Variants in PDK2 observed in about 807,000 individuals in gnomAD.
PDK2 encodes pyruvate dehydrogenase kinase, isozyme 2.
PDK2 carries 34 observed loss-of-function variants against 50.4 expected under a neutral mutation model. The observed-to-expected ratio is 0.68, with a 90% CI of 0.51 to 0.90. The LOEUF (loss-of-function observed/expected upper bound fraction) is 0.90. PDK2 is among the 40% of genes least tolerant of loss of function. PDK2 has a pLI of 0.00. For missense variants in PDK2, 377 were observed against 544.5 expected, an observed-to-expected ratio of 0.69 and a Z score of 3.06; for synonymous variants, 232 against 216.0, an observed-to-expected ratio of 1.07 and a Z score of -0.65.
upstream of PDK2, chr17:50,094,818 G>C (rs1909848317): frequency 6.6e-6 from 1 of 152,432 alleles, no homozygotes; most frequent in Non-Finnish European, 1.5e-5. Flanking sequence ...TTGCACCCTG[G>C]TTCCGAATTT....
At position 50,109,089 on chromosome 17, in the gene PDK2, C is replaced by A. The variant is rs1910679633; in HGVS notation, c.970-198C>A. Among the ~76,000 whole-genome samples, 1 of 152,140 alleles carries A rather than the reference C, an allele frequency of 6.6e-6. No homozygotes were observed. The highest frequency in any genetic ancestry group is 2.4e-5 in the African/African-American group (1 of 41,428). ...AACTCCTCTCTCTGCCCAAGCCTCCCTCCCGCATTCATGATTGCCCCATTC... is the reference window on the plus strand; with the variant it reads ...AACTCCTCTCTCTGCCCAAGCCTCCATCCCGCATTCATGATTGCCCCATTC... On this transcript the variant is annotated intron_variant, in intron 9 of 10. Coordinates refer to ENST00000503176, the MANE Select transcript of PDK2 (RefSeq NM_002611.5). The surrounding 1 kb of genome is among the most constrained non-coding windows in gnomAD (Gnocchi z 5.0).
At chr17:50,108,543 G>T (rs1195536474) in intron 8 of PDK2, 69 bp from the exon 9 acceptor site, 1 of 1,364,052 alleles carries the variant, frequency 7.3e-7, no homozygotes, top group Non-Finnish European at 1.0e-6. Context: ...CCATGAGAAG[G>T]TCAGGGGTAT....
chr17:50,110,283 G>C lies in PDK2; in HGVS notation c.*186G>C. The stretch of plus-strand genomic sequence containing the variant: ...CCCTAAGTGCCAGTCCATCTCTGTG[G>C]AGACCCCTCGGTGGCCTCCCTATCT... On this transcript the variant is annotated 3_prime_UTR_variant, in exon 11 of 11. Transcript: ENST00000503176. 1 of 546,000 alleles carries C rather than the reference G, an allele frequency of 1.8e-6. No individual in the cohort carries two copies. The highest frequency in any genetic ancestry group is 3.7e-5 in the Admixed American group (1 of 27,288). 33.8% of individuals were successfully genotyped at this position (546,000 alleles called of 1,614,324 possible).
intron 3 of PDK2, 111 bp from the exon 4 acceptor site, chr17:50,105,774 G>A (rs1431714884): frequency 3.6e-6 from 5 of 1,396,496 alleles, no homozygotes; most frequent in Non-Finnish European, 4.8e-6. Flanking sequence ...AGGGCACTGG[G>A]AGTCCATCGG....
chr17:50,105,866 CAT>C lies in PDK2; in HGVS notation c.333-18_333-17del. ...AGAGTCTGGGGGTGTCCCATGTGAA[CAT>C]CTGCCCTGCCCCACAGGTTCACTGA... On this transcript the variant is annotated splice_polypyrimidine_tract_variant and intron_variant, in intron 3 of 10. Transcript: ENST00000503176. The C allele has an allele frequency of 4.3e-6, 7 of 1,610,848 alleles. No homozygotes were observed. Among genetic ancestry groups the C allele is most frequent in the Non-Finnish European group, 5.9e-6 (7 of 1,178,446 alleles).
At chr17:50,102,555 G>A (rs943360992) in intron 2 of PDK2, among the ~76,000 whole-genome samples, 2 of 151,966 alleles carry the variant, frequency 1.3e-5, no homozygotes, top group Non-Finnish European at 2.9e-5. Context: ...ACTCTGCAGT[G>A]GGTCTCCTCC....
In PDK2 at chr17:50,111,137, C is replaced by G. The variant is rs1399708501; in HGVS notation, c.*1040C>G. ...CGCACACTGCGGTGCCCTGTGACCA[C>G]CACATGACGCACCGGGGACGTCCGG... On this transcript the variant is annotated 3_prime_UTR_variant, in exon 11 of 11. Transcript: ENST00000503176. 2 of 152,346 alleles carry G rather than the reference C, an allele frequency of 1.3e-5. No homozygotes were observed. Among genetic ancestry groups the G allele is most frequent in the African/African-American group, 4.8e-5 (2 of 41,464 alleles). 9.4% of individuals were successfully genotyped at this position (152,346 alleles called of 1,614,324 possible).
At position 50,101,218 on chromosome 17, in the gene PDK2, T is replaced by C. The variant is rs545984601; in HGVS notation, c.260+3654T>C. ...TGGACCCCATACAGGGGGTGTGGCT[T>C]GGGTGCCCAGGACCTGCTAAAGCCA... On this transcript the variant is annotated intron_variant, in intron 2 of 10. Coordinates refer to ENST00000503176, the MANE Select transcript of PDK2 (RefSeq NM_002611.5). This position sits in a 1 kb window ranked among gnomAD's most constrained non-coding sequence, Gnocchi z 4.2. Among the ~76,000 whole-genome samples, 133 of 152,230 alleles carry C rather than the reference T, an allele frequency of 8.7e-4. No individual in the cohort carries two copies. The highest frequency in any genetic ancestry group is 1.5e-3 in the Non-Finnish European group (101 of 68,004).
chr17:50,096,265 T>G (rs191647153), intron 1 of PDK2: 1 of 985,424 alleles, frequency 1.0e-6, no homozygotes, highest in Admixed American at 6.1e-5. Flanking sequence ...TATACCTCCC[T>G]TGGCTGCCCC....
rs376116940 is a variant in PDK2, at chr17:50,105,368, C to A, written c.261-3C>A. The A allele has an allele frequency of 6.2e-7, 1 of 1,600,494 alleles. No individual in the cohort carries two copies. Among genetic ancestry groups the A allele is most frequent in the African/African-American group, 1.3e-5 (1 of 74,228 alleles). On this transcript the variant is annotated splice_region_variant and splice_polypyrimidine_tract_variant and intron_variant, in intron 2 of 10. Transcript: ENST00000503176. ...GGCTGTGTCCCCTCCCGCCCCCACACAGGTATGTCCAGAGCCTCCTGGACA... is the reference window on the plus strand; with the variant it reads ...GGCTGTGTCCCCTCCCGCCCCCACAAAGGTATGTCCAGAGCCTCCTGGACA...
intron 2 of PDK2, among the ~76,000 whole-genome samples, chr17:50,102,451 C>T (rs1379726547): frequency 3.3e-5 from 5 of 152,162 alleles, no homozygotes; most frequent in Non-Finnish European, 7.3e-5. Context: ...TGCCCACCCC[C>T]ACCCACTGCC....
intron 6 of PDK2, chr17:50,107,861 G>T (rs960301218): frequency 6.9e-6 from 3 of 437,578 alleles, no homozygotes; most frequent in Admixed American, 3.8e-5. Context: ...TACTTAAGAG[G>T]GAGGTTTCCC....
At chr17:50,104,004 C>G (rs899275863) in intron 2 of PDK2, among the ~76,000 whole-genome samples, 1 of 152,156 alleles carries the variant, frequency 6.6e-6, no homozygotes, top group Non-Finnish European at 1.5e-5. Context: ...CTGTTGGGCC[C>G]CTGGGGCCCT....
At chr17:50,104,010 G>A (rs1243920660) in intron 2 of PDK2, among the ~76,000 whole-genome samples, 2 of 152,182 alleles carry the variant, frequency 1.3e-5, no homozygotes, top group African/African-American at 2.4e-5. Context: ...GGCCCCTGGG[G>A]CCCTTGGCAC....
In PDK2 at chr17:50,109,441, T is replaced by C; in HGVS notation, c.1083+41T>C. ...GCAGAGCCCAGCTGGAGAAGAGCTTTGCTGATAGGACCTGGGCAGCCTTGG... is the reference window on the plus strand; with the variant it reads ...GCAGAGCCCAGCTGGAGAAGAGCTTCGCTGATAGGACCTGGGCAGCCTTGG... On this transcript the variant is annotated intron_variant, in intron 10 of 10. Transcript: ENST00000503176. The surrounding 1 kb of genome is among the most constrained non-coding windows in gnomAD (Gnocchi z 5.0). 1 of 1,399,262 alleles carries C rather than the reference T, an allele frequency of 7.1e-7. No individual in the cohort carries two copies. Among genetic ancestry groups the C allele is most frequent in the Non-Finnish European group, 1.0e-6 (1 of 997,052 alleles). 86.7% of individuals were successfully genotyped at this position (1,399,262 alleles called of 1,614,324 possible).
chr17:50,096,777 A>G (rs1209700306), intron 1 of PDK2, among the ~76,000 whole-genome samples: 2 of 152,238 alleles, frequency 1.3e-5, no homozygotes, highest in African/African-American at 4.8e-5. Context: ...AGTTGGAAGC[A>G]GAGCCTGATG....
rs775436657 is a variant in PDK2 at position 50,105,251 on chromosome 17, G to A, written c.261-120G>A. 8.3e-5 allele frequency: 45 copies of A among 543,324 alleles called. No individual in the cohort carries two copies. In the East Asian group the frequency reaches 8.9e-4, roughly 11 times the overall value. The allele number at this position is 543,324 out of a possible 1,614,324, so 33.7% of individuals were successfully genotyped here. A position where few individuals can be genotyped will look rare whatever the true frequency, so the allele number is the denominator to read the frequency against. ...GAGAAAAATAGTGAGGCGGCTTGTC[G>A]GCAGCTCTGTGTGGGGCCCGCGTAG... On this transcript the variant is annotated intron_variant, in intron 2 of 10. Coordinates refer to ENST00000503176, the MANE Select transcript of PDK2 (RefSeq NM_002611.5).
chr17:50,095,355 G>C lies in PDK2; in HGVS notation c.-81G>C, dbSNP rs1909872758. 2 of 1,017,806 alleles carry C rather than the reference G, an allele frequency of 2.0e-6. No individual in the cohort carries two copies. The highest frequency in any genetic ancestry group is 5.4e-5 in the East Asian group (2 of 37,216). The allele number at this position is 1,017,806 out of a possible 1,614,324, so 63.0% of individuals were successfully genotyped here. A position where few individuals can be genotyped will look rare whatever the true frequency, so the allele number is the denominator to read the frequency against. Reference sequence around the variant, plus strand: ...CCAGGGCAAGGGTAGGGAGGAGGCGGCCGAACCGCGTCGCTGGGCCGAAAG... The same window carrying C: ...CCAGGGCAAGGGTAGGGAGGAGGCGCCCGAACCGCGTCGCTGGGCCGAAAG... On this transcript the variant is annotated 5_prime_UTR_variant, in exon 1 of 11. Transcript: ENST00000503176.
chr17:50,097,591 C>T, intron 2 of PDK2, 27 bp downstream of exon 2: 1 of 1,607,746 alleles, frequency 6.2e-7, no homozygotes, highest in Non-Finnish European at 8.5e-7. Context: ...AGTCCCTGCA[C>T]CTCCCACTCC....
Sources: gnomAD v4.1 joint callset for allele counts (sites outside exome capture counted in the v4.1 genomes callset) on GRCh38, gnomAD v4.1.1 for gene constraint, Gnocchi (gnomAD v3.1) non-coding constraint, MANE v1.5 for transcripts, NCBI Gene and HGNC (gene_info 2026-07-23, HGNC 2026-07-21) for gene names.